The following ITPKC variants were observed in gnomAD, a reference collection of about 807,000 sequenced individuals.
ITPKC encodes IP3 3-kinase C.
Under a neutral mutation model 67.1 loss-of-function variants are expected in ITPKC, and 33 were observed. That is an observed-to-expected ratio of 0.49 (90% CI 0.37 to 0.66). The LOEUF (loss-of-function observed/expected upper bound fraction) is 0.66. ITPKC is among the 30% of genes least tolerant of loss of function. ITPKC has a pLI of 0.00. For synonymous variants in ITPKC, 341 were observed against 359.8 expected, an observed-to-expected ratio of 0.95 and a Z score of 0.59; for missense variants, 820 against 892.1, an observed-to-expected ratio of 0.92 and a Z score of 1.03.
At chr19:40,737,304 T>G (rs1289462952) in intron 5 of ITPKC, among the ~76,000 whole-genome samples, 1 of 152,220 alleles carries the variant, frequency 6.6e-6, no homozygotes, top group Non-Finnish European at 1.5e-5. Context: ...CGCACGTCTC[T>G]CGATAGCAGG....
intron 3 of ITPKC, among the ~76,000 whole-genome samples, chr19:40,732,354 C>A (rs1000209241): frequency 1.3e-5 from 2 of 149,918 alleles, no homozygotes; most frequent in Non-Finnish European, 1.5e-5. Context: ...CATCGTGAAA[C>A]CCCATCTCTA....
chr19:40,739,095 G>C (rs929192121), intron 6 of ITPKC, among the ~76,000 whole-genome samples: 3 of 152,292 alleles, frequency 2.0e-5, no homozygotes, highest in Admixed American at 6.5e-5. Flanking sequence ...TTGACTGAGA[G>C]TAACTAAAAC....
chr19:40,718,061 G>C lies in ITPKC; in HGVS notation c.926G>C (p.Gly309Ala). 1 of 1,614,102 alleles carries C rather than the reference G, an allele frequency of 6.2e-7. No individual in the cohort carries two copies. Among genetic ancestry groups the C allele is most frequent in the Non-Finnish European group, 8.5e-7 (1 of 1,180,018 alleles). The change falls in exon 1 of 7, where the codon GGA becomes GCA. Residue 309 changes from glycine to alanine, a missense_variant. Physicochemically the swap from Gly to Ala is moderately conservative, Grantham distance 60. Around this residue, in one of 2 missense-constraint regions of ITPKC, gnomAD observed 481 missense variants for 470.1 expected, o/e 1.02. Transcript: ENST00000263370. ...EDGPLEEPEP[G>A]ELLTHLYSHL... ...GGCCCATTAGAGGAACCAGAGCCTG[G>C]AGAATTGCTGACTCACCTGTACTCT...
At chr19:40,720,101 C>T (rs1015301661) in intron 1 of ITPKC, among the ~76,000 whole-genome samples, 3 of 152,026 alleles carry the variant, frequency 2.0e-5, no homozygotes, top group Admixed American at 2.0e-4. Context: ...CTCAGTGGCC[C>T]AAGCCTGTAA....
Position 40,737,062 on chromosome 19 carries a change from TCGTG to T in ITPKC, c.1752_1755del (p.Phe584LeufsTer15). On this transcript the variant is annotated frameshift_variant, in exon 5 of 7. Coordinates refer to ENST00000263370, the MANE Select transcript of ITPKC (RefSeq NM_025194.3). LOFTEE classifies it high-confidence loss of function. Reference sequence around the variant, plus strand: ...CAGGTGACAAAAGTGCTGGAGGACTTCGTGGATGGAGACCACGTCATCCTGGTGA... The same window carrying T: ...CAGGTGACAAAAGTGCTGGAGGACTTGATGGAGACCACGTCATCCTGGTGA... 1 of 1,585,124 alleles carries T rather than the reference TCGTG, an allele frequency of 6.3e-7. No individual in the cohort carries two copies. Among genetic ancestry groups the T allele is most frequent in the Non-Finnish European group, 8.6e-7 (1 of 1,163,574 alleles).
chr19:40,728,790 G>C (rs2082257439), intron 2 of ITPKC, among the ~76,000 whole-genome samples: 1 of 152,128 alleles, frequency 6.6e-6, no homozygotes, highest in African/African-American at 2.4e-5. Context: ...CACTTTGGGA[G>C]GCCAAGGCGG....
intron 2 of ITPKC, among the ~76,000 whole-genome samples, chr19:40,726,672 C>G (rs2082247707): frequency 6.6e-6 from 1 of 152,192 alleles, no homozygotes; most frequent in African/African-American, 2.4e-5. Flanking sequence ...GGAAATAAGG[C>G]AAGACCCCCT....
chr19:40,720,704 C>T (rs2082218003), intron 1 of ITPKC, among the ~76,000 whole-genome samples: 1 of 152,050 alleles, frequency 6.6e-6, no homozygotes, highest in African/African-American at 2.4e-5. Flanking sequence ...GACTTCCTTC[C>T]CTCCTCCTGA....
intron 5 of ITPKC, among the ~76,000 whole-genome samples, 178 bp from the exon 6 acceptor site, chr19:40,737,520 T>A (rs770760318): frequency 6.6e-6 from 1 of 152,188 alleles, no homozygotes; most frequent in African/African-American, 2.4e-5. Context: ...CTCTTCTCCA[T>A]GCCACCTTGA....
chr19:40,729,565 A>C (rs2082261454), intron 3 of ITPKC, 150 bp downstream of exon 3: 1 of 686,292 alleles, frequency 1.5e-6, no homozygotes, highest in East Asian at 2.8e-5. Flanking sequence ...TGGGAGTTCC[A>C]AACCAGCCTG....
rs1330571417 is a variant in ITPKC, at chr19:40,736,880, G to A, written c.1675-106G>A. On this transcript the variant is annotated intron_variant, in intron 4 of 6. Transcript: ENST00000263370. Reference sequence around the variant, plus strand: ...GGGTCTTGCTGTGTTGCCCAGGCTGGTCTTGGCCACCGCGCCCGGCCTCCT... The same window carrying A: ...GGGTCTTGCTGTGTTGCCCAGGCTGATCTTGGCCACCGCGCCCGGCCTCCT... 6 of 671,060 alleles carry A rather than the reference G, an allele frequency of 8.9e-6. No homozygotes were observed. The Admixed American group carries it at 1.3e-4, about 15-fold the overall frequency. The allele number at this position is 671,060 out of a possible 1,614,324, so 41.6% of individuals were successfully genotyped here.
At position 40,718,183 on chromosome 19, in the gene ITPKC, G is replaced by A. The variant is rs771685411; in HGVS notation, c.1048G>A (p.Val350Ile). The change falls in exon 1 of 7, where the codon GTT (valine) becomes ATT (isoleucine). Residue 350 changes from valine (V) to isoleucine (I), a missense_variant. Around this residue, in one of 2 missense-constraint regions of ITPKC, gnomAD observed 481 missense variants for 470.1 expected, o/e 1.02. Transcript: ENST00000263370. The stretch of plus-strand genomic sequence containing the variant: ...CCAGCCAGTGGGACCCCCCTCCCGG[G>A]TTGAGGGGGGCAGCGGCGGCTTCTC... ...EAQPVGPPSR[V>I]EGGSGGFSSA... 1.3e-6 allele frequency: 2 copies of A among 1,584,686 alleles called. No homozygotes were observed. Among genetic ancestry groups the A allele is most frequent in the Non-Finnish European group, 1.7e-6 (2 of 1,166,612 alleles).
Position 40,718,154 on chromosome 19 carries a change from A to G in ITPKC, c.1019A>G (p.Glu340Gly). ...ATTACCCCTGAGACCCCTGAGCCTG[A>G]GGCCCAGCCAGTGGGACCCCCCTCC... Reference protein sequence around the residue: ...LIITPETPEPEAQPVGPPSRV... With the variant: ...LIITPETPEPGAQPVGPPSRV... Residue 340 changes from glutamate (E) to glycine (G), a missense_variant, in exon 1 of 7, where the codon GAG becomes GGG. Transcript: ENST00000263370. 6.3e-7 allele frequency: 1 copy of G among 1,598,338 alleles called. No individual in the cohort carries two copies. The highest frequency in any genetic ancestry group is 1.1e-5 in the South Asian group (1 of 90,654).
In ITPKC at chr19:40,729,337, G is replaced by A. The variant is rs780285372; in HGVS notation, c.1391G>A (p.Gly464Asp). Residue 464 changes from glycine (G) to aspartate (D), a missense_variant, in exon 3 of 7, where the codon GGC becomes GAC. Physicochemically the swap from Gly to Asp is moderately conservative, Grantham distance 94. Around this residue, in one of 2 missense-constraint regions of ITPKC, gnomAD observed 339 missense variants for 422.0 expected, o/e 0.80. Transcript: ENST00000263370. ...PAYYGMVLQD[G>D]QTFNQMEDLL... ...TACTATGGCATGGTGCTGCAGGATG[G>A]CCAGACCTTCAACCAGATGGAAGAC... 2 of 1,614,146 alleles carry A rather than the reference G, an allele frequency of 1.2e-6. No individual in the cohort carries two copies. The highest frequency in any genetic ancestry group is 1.1e-5 in the South Asian group (1 of 91,056).
chr19:40,720,361 G>T (rs1472086659), intron 1 of ITPKC, among the ~76,000 whole-genome samples: 2 of 147,658 alleles, frequency 1.4e-5, no homozygotes, highest in Non-Finnish European at 3.0e-5. Flanking sequence ...AGCAAGACTC[G>T]GTCTCAAAAA....
chr19:40,718,171 C>A lies in ITPKC; in HGVS notation c.1036C>A (p.Pro346Thr), dbSNP rs571714443. The change falls in exon 1 of 7, where the codon CCC becomes ACC. Residue 346 changes from proline to threonine, a missense_variant. Pro to Thr is a conservative substitution (Grantham distance 38). This residue lies in a region of ITPKC where 481 missense variants were observed against 470.1 expected (regional missense o/e 1.02). Transcript: ENST00000263370. Reference protein sequence around the residue: ...TPEPEAQPVGPPSRVEGGSGG... With the variant: ...TPEPEAQPVGTPSRVEGGSGG... ...TGAGCCTGAGGCCCAGCCAGTGGGA[C>A]CCCCCTCCCGGGTTGAGGGGGGCAG... 6 of 1,591,116 alleles carry A rather than the reference C, an allele frequency of 3.8e-6. No homozygotes were observed. Among genetic ancestry groups the A allele is most frequent in the African/African-American group, 2.7e-5 (2 of 74,452 alleles).
At chr19:40,719,108 A>G (rs1211130857) in intron 1 of ITPKC, among the ~76,000 whole-genome samples, 4 of 152,266 alleles carry the variant, frequency 2.6e-5, no homozygotes, top group Middle Eastern at 3.4e-3. Flanking sequence ...TCCGGAGTCC[A>G]TCAGCTTGCC....
rs2082316352 is a variant in ITPKC, at chr19:40,739,942, CCT to C, written c.*383_*384del. ...ACATGAATCACTTCTAACCTGCCTCCCTGTCAGCCTCCAGGCTGCCAGCTGGC... is the reference window on the plus strand; with the variant it reads ...ACATGAATCACTTCTAACCTGCCTCCGTCAGCCTCCAGGCTGCCAGCTGGC... On this transcript the variant is annotated 3_prime_UTR_variant, in exon 7 of 7. Coordinates refer to ENST00000263370, the MANE Select transcript of ITPKC (RefSeq NM_025194.3). 1 of 198,702 alleles carries C rather than the reference CCT, an allele frequency of 5.0e-6. No homozygotes were observed. The highest frequency in any genetic ancestry group is 9.6e-5 in the South Asian group (1 of 10,390). 12.3% of individuals were successfully genotyped at this position (198,702 alleles called of 1,614,324 possible).
chr19:40,732,803 T>G (rs570669311), intron 3 of ITPKC, among the ~76,000 whole-genome samples: 5 of 152,324 alleles, frequency 3.3e-5, no homozygotes, highest in African/African-American at 1.2e-4. Context: ...TCCAAGATCA[T>G]GCAAATATTA....
Sources: allele counts gnomAD v4.1 joint callset (sites outside exome capture counted in the v4.1 genomes callset), GRCh38; gene constraint gnomAD v4.1.1; regional missense constraint gnomAD v4.1.1; transcripts MANE v1.5; gene names NCBI Gene and HGNC (gene_info 2026-07-23, HGNC 2026-07-21).